DLST: variants seen among roughly 807,000 people sequenced by gnomAD.
DLST encodes dihydrolipoyllysine-residue succinyltransferase component of 2-oxoglutarate dehydrogenase complex, mitochondrial.
DLST carries 17 observed loss-of-function variants against 53.1 expected under a neutral mutation model. The observed-to-expected ratio is 0.32, with a 90% CI of 0.22 to 0.48. DLST has a LOEUF of 0.48. Among genes scored for constraint, DLST ranks in the 20% least tolerant of loss-of-function variants. The probability of loss-of-function intolerance (pLI) is 0.99; values close to 1 mark genes in which losing one functional copy is unlikely to be tolerated. For missense variants in DLST, 512 were observed against 583.9 expected, an observed-to-expected ratio of 0.88 and a Z score of 1.27; for synonymous variants, 206 against 204.8, an observed-to-expected ratio of 1.01 and a Z score of -0.05.
chr14:74,892,937 T>A lies in DLST; in HGVS notation c.546T>A (p.Thr182=). 1 of 1,614,002 alleles carries A rather than the reference T, an allele frequency of 6.2e-7. No individual in the cohort carries two copies. The highest frequency in any genetic ancestry group is 8.5e-7 in the Non-Finnish European group (1 of 1,179,986). ...AVPPPAAPIP[T]QMPPVPSPSQ... ...CTCCCCCTGCAGCACCCATACCCAC[T>A]CAGATGCCACCGGTGCCCTCGCCCT... Residue 182 remains threonine, a synonymous_variant, in exon 8 of 15, where the codon ACT becomes ACA. Coordinates refer to ENST00000334220, the MANE Select transcript of DLST (RefSeq NM_001933.5).
At chr14:74,882,408 G>T (rs1225779535) in intron 1 of DLST, among the ~76,000 whole-genome samples, 183 bp from the exon 2 acceptor site, 2 of 152,226 alleles carry the variant, frequency 1.3e-5, no homozygotes, top group African/African-American at 2.4e-5. Flanking sequence ...TTGGGAAGTT[G>T]AGATAGTTTG....
rs755141484 is a variant in DLST at position 74,902,211 on chromosome 14, A to G, written c.1243A>G (p.Met415Val). The G allele has an allele frequency of 1.9e-6, 3 of 1,603,914 alleles. No individual in the cohort carries two copies. The highest frequency in any genetic ancestry group is 2.2e-5 in the East Asian group (1 of 44,668). Residue 415 changes from methionine (M) to valine (V), a missense_variant, in exon 15 of 15, where the codon ATG (methionine) becomes GTG (valine). By Grantham distance (21) the Met-to-Val change is conservative. Transcript: ENST00000334220. ...CTCTCTGTAGGTAGAGGTGCGGCCC[A>G]TGATGTACGTGGCACTGACCTATGA... ...AIGGKVEVRP[M>V]MYVALTYDHR...
chr14:74,882,035 G>A lies in DLST; in HGVS notation c.63+19G>A, dbSNP rs771965585. The A allele has an allele frequency of 1.3e-6, 2 of 1,538,476 alleles. No individual in the cohort carries two copies. The highest frequency in any genetic ancestry group is 3.8e-5 in the Admixed American group (2 of 52,670). On this transcript the variant is annotated intron_variant, in intron 1 of 14. Transcript: ENST00000334220. ...CCAGAAGGTACGGTCTGGCCGAGCC[G>A]GGGCCCCGACGGGTGAGGAGTCTGT...
At position 74,895,407 on chromosome 14, in the gene DLST, T is replaced by C. The variant is rs111377954; in HGVS notation, c.770+998T>C. Reference sequence around the variant, plus strand: ...TATCAGCACTGTCAGGAAGAGAAATTTGACAAACGTGTTTTGAGTGCGTAC... The same window carrying C: ...TATCAGCACTGTCAGGAAGAGAAATCTGACAAACGTGTTTTGAGTGCGTAC... On this transcript the variant is annotated intron_variant, in intron 10 of 14. Transcript: ENST00000334220. Among the ~76,000 whole-genome samples, 1,411 of 152,292 alleles carry C rather than the reference T, an allele frequency of 9.3e-3. 16 individuals are homozygous for C. The highest frequency in any genetic ancestry group is 0.044 in the Middle Eastern group (13 of 294).
At chr14:74,891,604 G>A (rs2140193759) in intron 7 of DLST, 3 of 988,506 alleles carry the variant, frequency 3.0e-6, no homozygotes, top group Non-Finnish European at 3.6e-6. Context: ...TTTCACATCT[G>A]TTCTCTCATA....
chr14:74,886,490 T>C (rs1883709695), intron 3 of DLST, among the ~76,000 whole-genome samples: 1 of 151,512 alleles, frequency 6.6e-6, no homozygotes, highest in South Asian at 2.1e-4. Context: ...CCATGCCCGG[T>C]TGTTTTTTGT....
intron 7 of DLST, 141 bp from the exon 8 acceptor site, chr14:74,892,693 T>A (rs1302696935): frequency 1.3e-6 from 1 of 775,946 alleles, no homozygotes; most frequent in African/African-American, 1.7e-5. Flanking sequence ...ATTGTGTGTG[T>A]GTCTCATAGT....
chr14:74,900,827 C>A (rs1327229987), intron 13 of DLST, among the ~76,000 whole-genome samples: 1 of 152,110 alleles, frequency 6.6e-6, no homozygotes, highest in Non-Finnish European at 1.5e-5. Context: ...TGGGCTCAAG[C>A]GATTCTCCTG....
chr14:74,899,967 G>A lies in DLST; in HGVS notation c.946G>A (p.Asp316Asn). Residue 316 changes from aspartate (D) to asparagine (N), a missense_variant, in exon 12 of 15, where the codon GAC (aspartate) becomes AAC (asparagine). Asp to Asn is a conservative substitution (Grantham distance 23). Coordinates refer to ENST00000334220, the MANE Select transcript of DLST (RefSeq NM_001933.5). Reference sequence around the variant, plus strand: ...AGAGGTGGTGTATAGGGATTATATTGACATCAGTGTTGCAGTGGCCACCCC... The same window carrying A: ...AGAGGTGGTGTATAGGGATTATATTAACATCAGTGTTGCAGTGGCCACCCC... ...TKEVVYRDYI[D>N]ISVAVATPRG... 6.2e-7 allele frequency: 1 copy of A among 1,613,938 alleles called. No homozygotes were observed. Among genetic ancestry groups the A allele is most frequent in the Non-Finnish European group, 8.5e-7 (1 of 1,179,944 alleles).
intron 10 of DLST, among the ~76,000 whole-genome samples, chr14:74,897,385 A>G (rs970510558): frequency 3.9e-5 from 6 of 152,326 alleles, no homozygotes; most frequent in Admixed American, 6.5e-5. Flanking sequence ...GTTAAATTCA[A>G]TTTTCATCGT....
In DLST at chr14:74,891,051, T is replaced by G; in HGVS notation, c.331-5T>G. 1 of 1,606,642 alleles carries G rather than the reference T, an allele frequency of 6.2e-7. No individual in the cohort carries two copies. Among genetic ancestry groups the G allele is most frequent in the Non-Finnish European group, 8.5e-7 (1 of 1,174,792 alleles). On this transcript the variant is annotated splice_polypyrimidine_tract_variant and splice_region_variant and intron_variant, in intron 6 of 14. Transcript: ENST00000334220. ...GGACTTCCTCCATCTGTCTTCCTCT[T>G]CCAGACATCTGTGCAGGTTCCATCA... is the stretch of plus-strand genomic sequence containing the variant.
rs771739311 is a variant in DLST, at chr14:74,894,421, A to G, written c.770+12A>G. 18 of 1,613,598 alleles carry G rather than the reference A, an allele frequency of 1.1e-5. No homozygotes were observed. The highest frequency in any genetic ancestry group is 3.3e-4 in the Middle Eastern group (2 of 6,082). On this transcript the variant is annotated intron_variant, in intron 10 of 14. Transcript: ENST00000334220. The stretch of plus-strand genomic sequence containing the variant: ...GAGATTGACATGAGGTAGTGTCTCT[A>G]GTCCCTCTTATCCCCTAGGCCCCTT...
At chr14:74,882,765 C>T (rs1211359555) in intron 2 of DLST, 141 bp downstream of exon 2, 20 of 749,408 alleles carry the variant, frequency 2.7e-5, no homozygotes, top group African/African-American at 3.5e-5. Flanking sequence ...GCTACATAAT[C>T]ACGAGCTATC....
chr14:74,890,983 G>GGA (rs1221944764), intron 6 of DLST, 73 bp from the exon 7 acceptor site: 1 of 1,543,338 alleles, frequency 6.5e-7, no homozygotes, highest in Non-Finnish European at 8.8e-7. Flanking sequence ...TGGCTTCATT[G>GGA]GAGATTCTAT....
intron 10 of DLST, among the ~76,000 whole-genome samples, chr14:74,896,580 T>G (rs1463417714): frequency 6.6e-6 from 1 of 152,224 alleles, no homozygotes; most frequent in Non-Finnish European, 1.5e-5. Context: ...TGACCTGTTT[T>G]ACTAGATGTC....
chr14:74,887,172 G>T (rs1185284099), intron 3 of DLST, among the ~76,000 whole-genome samples: 1 of 151,158 alleles, frequency 6.6e-6, no homozygotes, highest in Non-Finnish European at 1.5e-5. Flanking sequence ...AAGAGCAAGG[G>T]ATTGGCTAAA....
intron 2 of DLST, among the ~76,000 whole-genome samples, chr14:74,884,957 G>A (rs755846560): frequency 8.5e-5 from 13 of 152,214 alleles, no homozygotes; most frequent in Non-Finnish European, 1.3e-4. Context: ...GGCAGAAAGG[G>A]TCTCTCACCT....
At chr14:74,891,314 A>G in intron 7 of DLST, 147 bp downstream of exon 7, 1 of 1,430,678 alleles carries the variant, frequency 7.0e-7, no homozygotes, top group Non-Finnish European at 9.2e-7. Context: ...ATTTATATAT[A>G]GTGTGAACTT....
chr14:74,882,527 A>T, intron 1 of DLST, 64 bp from the exon 2 acceptor site: 1 of 1,559,880 alleles, frequency 6.4e-7, no homozygotes, highest in Non-Finnish European at 8.8e-7. Context: ...GCGTGTACTT[A>T]AAAGAAAAAG....
Sources: gnomAD v4.1 joint callset for allele counts (sites outside exome capture counted in the v4.1 genomes callset) on GRCh38, gnomAD v4.1.1 for gene constraint, MANE v1.5 for transcripts, NCBI Gene and HGNC (gene_info 2026-07-23, HGNC 2026-07-21) for gene names.